Variants in LRCH1 observed in about 807,000 individuals in gnomAD.
LRCH1 encodes the protein leucine rich repeats and calponin homology domain containing 1, also known as leucine-rich repeat and calponin homology domain-containing protein 1.
In LRCH1, 23 loss-of-function variants were observed where a neutral mutation model predicts 94.9. That is an observed-to-expected ratio of 0.24 (90% CI 0.17 to 0.34). The LOEUF is 0.34. Ranked by LOEUF, LRCH1 falls within the 10% of genes least tolerant of loss-of-function variation. LRCH1 has a pLI of 1.00. For synonymous variants in LRCH1, 364 were observed against 354.9 expected (o/e 1.03, Z -0.29); for missense variants, 790 against 945.9 (o/e 0.84, Z 2.16).
At chr13:46,661,321 T>C (rs1172715197) in intron 2 of LRCH1, among the ~76,000 whole-genome samples, 1 of 152,220 alleles carries the variant, frequency 6.6e-6, no homozygotes, top group Admixed American at 6.5e-5. Flanking sequence ...TGGGAGGTCT[T>C]AGTACTTATG....
At chr13:46,710,309 G>T (rs1871992914) in intron 13 of LRCH1, among the ~76,000 whole-genome samples, 1 of 152,190 alleles carries the variant, frequency 6.6e-6, no homozygotes, top group Admixed American at 6.5e-5. Context: ...CTGTAGCCAG[G>T]AGGCTATGTT....
At chr13:46,652,261 A>T (rs1332274878) in intron 2 of LRCH1, among the ~76,000 whole-genome samples, 1 of 151,876 alleles carries the variant, frequency 6.6e-6, no homozygotes, top group African/African-American at 2.4e-5. Context: ...TATTTTTAGT[A>T]GAGGCGGGGT....
chr13:46,652,395 G>GT (rs57803401), intron 2 of LRCH1, among the ~76,000 whole-genome samples: 92,230 of 146,516 alleles, frequency 0.63, 29,153 homozygotes, highest in East Asian at 0.84. Context: ...TGTTTTTTTT[G>GT]TTTTTTTTTT....
At position 46,656,742 on chromosome 13, in the gene LRCH1, G is replaced by A. The variant is rs185341031; in HGVS notation, c.452+6397G>A. Among the ~76,000 whole-genome samples, 6 of 152,332 alleles carry A rather than the reference G, an allele frequency of 3.9e-5. No homozygotes were observed. In the South Asian group the frequency reaches 6.2e-4, roughly 16 times the overall value. On this transcript the variant is annotated intron_variant, in intron 2 of 19. Transcript: ENST00000389797. ...TCACTGGGCATCTATTTTCAAGGTG[G>A]AACCCGTAGCCAATGGTCCCTAAAA...
chr13:46,705,598 T>C (rs911918800), intron 13 of LRCH1: 4 of 536,146 alleles, frequency 7.5e-6, no homozygotes, highest in South Asian at 2.0e-5. Context: ...CTAAAATACA[T>C]AGGGAATCTG....
chr13:46,572,888 G>T (rs35922210), intron 1 of LRCH1, among the ~76,000 whole-genome samples: 18,284 of 151,920 alleles, frequency 0.12, 1,119 homozygotes, highest in Middle Eastern at 0.2. Flanking sequence ...GGATAGTAGC[G>T]TGCTCAGTAG....
intron 1 of LRCH1, among the ~76,000 whole-genome samples, chr13:46,624,510 C>T (rs1252423563): frequency 2.0e-5 from 3 of 152,070 alleles, no homozygotes; most frequent in Non-Finnish European, 2.9e-5. Context: ...TTTCATTTTT[C>T]GTTGGTGAGA....
At chr13:46,671,381 G>T (rs1217935087) in intron 3 of LRCH1, among the ~76,000 whole-genome samples, 1 of 152,184 alleles carries the variant, frequency 6.6e-6, no homozygotes, top group African/African-American at 2.4e-5. Flanking sequence ...CTGCTTACTT[G>T]CTGTTGCATC....
intron 1 of LRCH1, among the ~76,000 whole-genome samples, chr13:46,593,289 T>TCC (rs1202929918): frequency 3.4e-5 from 5 of 147,418 alleles, no homozygotes; most frequent in Non-Finnish European, 7.5e-5. Flanking sequence ...TTTCCTTTTT[T>TCC]TTTTTTTTTT....
chr13:46,696,724 G>C (rs1440674447), intron 9 of LRCH1, among the ~76,000 whole-genome samples: 1 of 152,158 alleles, frequency 6.6e-6, no homozygotes, highest in Non-Finnish European at 1.5e-5. Context: ...GAAAAATTGT[G>C]CTTGAAAATC....
intron 19 of LRCH1, among the ~76,000 whole-genome samples, chr13:46,739,067 G>T (rs1295029817): frequency 6.6e-6 from 1 of 151,846 alleles, no homozygotes; most frequent in Non-Finnish European, 1.5e-5. Flanking sequence ...TTTATATTAA[G>T]ATTATATTTA....
chr13:46,560,093 T>A (rs1167969262), intron 1 of LRCH1, among the ~76,000 whole-genome samples: 4 of 131,728 alleles, frequency 3.0e-5, no homozygotes, highest in Non-Finnish European at 6.9e-5. Context: ...CATTGCTTGT[T>A]TAAACACAAG....
At chr13:46,638,855 G>A (rs2051124482) in intron 1 of LRCH1, among the ~76,000 whole-genome samples, 1 of 152,140 alleles carries the variant, frequency 6.6e-6, no homozygotes. Context: ...AAAACCTCTA[G>A]ATCCTCTTTA....
intron 1 of LRCH1, among the ~76,000 whole-genome samples, chr13:46,632,361 T>C (rs1051502545): frequency 2.0e-5 from 3 of 152,228 alleles, no homozygotes; most frequent in African/African-American, 4.8e-5. Context: ...TGGTGCCATA[T>C]GTCTGCCCCA....
intron 1 of LRCH1, among the ~76,000 whole-genome samples, chr13:46,635,467 CTTTTTTTTTTT>C (rs35362550): frequency 6.2e-5 from 6 of 96,628 alleles, no homozygotes; most frequent in Non-Finnish European, 9.5e-5. Context: ...CCCCTCCCAC[CTTTTTTTTTTT>C]TTTTTTTTTT....
intron 1 of LRCH1, among the ~76,000 whole-genome samples, chr13:46,606,238 G>A (rs2050686031): frequency 6.6e-6 from 1 of 151,904 alleles, no homozygotes; most frequent in South Asian, 2.1e-4. Flanking sequence ...GTAGAACACA[G>A]TTCGACCTTT....
At chr13:46,751,518 G>C (rs1464038376) in exon 19 of LRCH1, 1 of 149,184 alleles carries the variant, frequency 6.7e-6, no homozygotes, top group Non-Finnish European at 1.5e-5. Context: ...AAATAGCTGT[G>C]ATGGAAAAAA....
chr13:46,692,497 C>G lies in LRCH1; in HGVS notation c.1015-39C>G. ...GCATTCTCCTTATCTACATTGATAA[C>G]ACTTCTCTTGAGTTAAACAGTGCAC... On this transcript the variant is annotated intron_variant, in intron 7 of 19. Transcript: ENST00000389797. 3 of 1,374,512 alleles carry G rather than the reference C, an allele frequency of 2.2e-6. No homozygotes were observed. The South Asian group carries it at 3.5e-5, about 16-fold the overall frequency. 85.1% of individuals were successfully genotyped at this position (1,374,512 alleles called of 1,614,324 possible).
chr13:46,694,307 C>G (rs1446397246), intron 8 of LRCH1, among the ~76,000 whole-genome samples: 2 of 152,174 alleles, frequency 1.3e-5, no homozygotes, highest in Non-Finnish European at 2.9e-5. Flanking sequence ...GCTCCCCCAC[C>G]TCCCCTGGAA....
Sources: allele counts gnomAD v4.1 joint callset (sites outside exome capture counted in the v4.1 genomes callset), GRCh38; gene constraint gnomAD v4.1.1; transcripts MANE v1.5; gene names NCBI Gene and HGNC (gene_info 2026-07-23, HGNC 2026-07-21).